The following CIZ1 variants were observed in gnomAD, a reference collection of about 807,000 sequenced individuals.
CIZ1 encodes cip1-interacting zinc finger protein.
A neutral mutation model predicts 118.6 loss-of-function variants in CIZ1; 58 were observed. The observed-to-expected ratio is 0.49, with a 90% CI of 0.40 to 0.61. The LOEUF (loss-of-function observed/expected upper bound fraction) is 0.61. CIZ1 is among the 20% of genes least tolerant of loss of function. CIZ1 has a pLI of 0.00. For synonymous variants in CIZ1, 448 were observed against 443.4 expected, an observed-to-expected ratio of 1.01 and a Z score of -0.13; for missense variants, 921 against 1,115.9, an observed-to-expected ratio of 0.83 and a Z score of 2.49.
At position 128,191,242 on chromosome 9, in the gene CIZ1, G is replaced by A. The variant is rs191005506; in HGVS notation, c.-6+190C>T. On this transcript the variant is annotated intron_variant, in intron 1 of 16. Coordinates refer to ENST00000372938, the MANE Select transcript of CIZ1 (RefSeq NM_001131016.2). The surrounding 1 kb of genome is among the most constrained non-coding windows in gnomAD (Gnocchi z 5.5). Reference sequence around the variant, plus strand: ...ATACCGCAACCCTCTCTGGGCCCCCGGGTGTCAATAACATCGGCACCCGTC... The same window carrying A: ...ATACCGCAACCCTCTCTGGGCCCCCAGGTGTCAATAACATCGGCACCCGTC... 3.9e-3 allele frequency: 975 copies of A among 251,456 alleles called. 13 individuals are homozygous for A. Among genetic ancestry groups the A allele is most frequent in the African/African-American group, 0.02 (906 of 44,488 alleles). 15.6% of individuals were successfully genotyped at this position (251,456 alleles called of 1,614,324 possible). A position where few individuals can be genotyped will look rare whatever the true frequency, so the allele number is the denominator to read the frequency against.
chr9:128,175,491 G>A (rs1279832824), intron 11 of CIZ1, among the ~76,000 whole-genome samples: 5 of 152,080 alleles, frequency 3.3e-5, no homozygotes, highest in Admixed American at 2.0e-4. Context: ...GCAGGCAAGC[G>A]GAGGCCAACC....
intron 4 of CIZ1, 104 bp downstream of exon 4, chr9:128,187,759 C>T: frequency 2.8e-6 from 1 of 358,358 alleles, no homozygotes; most frequent in Non-Finnish European, 5.1e-6. Context: ...ATTGCACTAG[C>T]ACTCTAAGAA....
At position 128,167,133 on chromosome 9, in the gene CIZ1, C is replaced by A; in HGVS notation, c.2327G>T (p.Trp776Leu). The A allele has an allele frequency of 6.2e-7, 1 of 1,602,800 alleles. No individual in the cohort carries two copies. The highest frequency in any genetic ancestry group is 2.2e-5 in the East Asian group (1 of 44,730). The change falls in exon 15 of 17, where the codon TGG (tryptophan) becomes TTG (leucine). Residue 776 changes from tryptophan to leucine, a missense_variant. Physicochemically the swap from Trp to Leu is moderately conservative, Grantham distance 61. Transcript: ENST00000372938. ...GGGGCTGTAGGTCTCCGAGCCCTTC[C>A]ACTCCTCTCTGGATATATCTCTGGA... The part of the protein sequence containing the change: ...VRSRDISREE[W>L]KGSETYSPNT...
Position 128,191,191 on chromosome 9 carries a change from A to C in CIZ1, c.-6+241T>G, listed in dbSNP as rs1588268626. 2.5e-6 allele frequency: 1 copy of C among 403,652 alleles called. No homozygotes were observed. The highest frequency in any genetic ancestry group is 4.4e-6 in the Non-Finnish European group (1 of 225,626). The allele number at this position is 403,652 out of a possible 1,614,324, so 25.0% of individuals were successfully genotyped here. On this transcript the variant is annotated intron_variant, in intron 1 of 16. Transcript: ENST00000372938. This position sits in a 1 kb window ranked among gnomAD's most constrained non-coding sequence, Gnocchi z 5.5. ...GCCTCAGCCTCTCTCTGCGCCCATC[A>C]CTTCCTCACTCACAGCCCCTTTTCA...
chr9:128,176,935 C>T (rs536679221), intron 10 of CIZ1, among the ~76,000 whole-genome samples: 41 of 152,264 alleles, frequency 2.7e-4, no homozygotes, highest in African/African-American at 9.6e-4. Flanking sequence ...TTGAGAGTCT[C>T]GCTCTGTTAC....
chr9:128,174,151 C>T (rs1830575065), intron 11 of CIZ1, among the ~76,000 whole-genome samples: 1 of 152,222 alleles, frequency 6.6e-6, no homozygotes, highest in African/African-American at 2.4e-5. Context: ...CAGCCTTCAG[C>T]CCCATTCCTG....
chr9:128,179,390 G>A lies in CIZ1; in HGVS notation c.817C>T (p.Pro273Ser). Residue 273 changes from proline (P) to serine (S), a missense_variant, in exon 8 of 17, where the codon CCT becomes TCT. Transcript: ENST00000372938. The stretch of plus-strand genomic sequence containing the variant: ...GCCTTCACCTGTAACTGCCCTGGAG[G>A]TTCCTTCTCTGTGGGCTCTTCTGAG... ...RSSEEPTEKE[P>S]PGQLQVKAQP... 5.0e-6 allele frequency: 8 copies of A among 1,604,998 alleles called. No homozygotes were observed. Among genetic ancestry groups the A allele is most frequent in the Non-Finnish European group, 6.8e-6 (8 of 1,176,644 alleles).
At position 128,166,950 on chromosome 9, in the gene CIZ1, G is replaced by T. The variant is rs954919848; in HGVS notation, c.2366-70C>A. The T allele has an allele frequency of 6.2e-7, 1 of 1,612,152 alleles. No homozygotes were observed. Among genetic ancestry groups the T allele is most frequent in the Admixed American group, 1.7e-5 (1 of 59,844 alleles). On this transcript the variant is annotated intron_variant, in intron 15 of 16. Transcript: ENST00000372938. The surrounding 1 kb of genome is among the most constrained non-coding windows in gnomAD (Gnocchi z 4.4). ...GCGAGGTGTCCCTCCCTCTCTAGGG[G>T]CCCATGTGCTCCCCAACCCTCTAGG...
chr9:128,167,232 G>T, intron 14 of CIZ1, 68 bp from the exon 15 acceptor site: 9 of 1,228,354 alleles, frequency 7.3e-6, no homozygotes, highest in Non-Finnish European at 1.0e-5. Flanking sequence ...CAGGTCGGGG[G>T]CCTAGAGACC....
chr9:128,174,723 G>A (rs551425737), intron 11 of CIZ1, among the ~76,000 whole-genome samples: 14 of 152,116 alleles, frequency 9.2e-5, no homozygotes, highest in Admixed American at 5.9e-4. Flanking sequence ...GCAGTGGCGC[G>A]ATCTCGGCTC....
chr9:128,182,961 A>G (rs1354373674), intron 5 of CIZ1, among the ~76,000 whole-genome samples: 1 of 152,040 alleles, frequency 6.6e-6, no homozygotes, highest in African/African-American at 2.4e-5. Context: ...CATTATTTGC[A>G]TTAATATCTC....
chr9:128,169,036 A>G lies in CIZ1; in HGVS notation c.2295+16T>C. The G allele has an allele frequency of 6.2e-7, 1 of 1,613,416 alleles. No individual in the cohort carries two copies. Among genetic ancestry groups the G allele is most frequent in the Non-Finnish European group, 8.5e-7 (1 of 1,179,750 alleles). On this transcript the variant is annotated intron_variant, in intron 14 of 16. Transcript: ENST00000372938. ...ATCCAGCACCAAGCCCGCCTCCCAC[A>G]CCCTCCCCCCAGCACCTGCTTGCAG...
At chr9:128,169,360 C>A in intron 13 of CIZ1, 46 bp downstream of exon 13, 1 of 1,548,966 alleles carries the variant, frequency 6.5e-7, no homozygotes, top group East Asian at 2.3e-5. Context: ...TTGGCCAAGG[C>A]TCTGTACCTC....
At chr9:128,185,831 G>A in intron 4 of CIZ1, 55 bp from the exon 5 acceptor site, 1 of 1,252,172 alleles carries the variant, frequency 8.0e-7, no homozygotes, top group Non-Finnish European at 1.2e-6. Flanking sequence ...GTGGCAGAAG[G>A]TAGGGTCAGG....
intron 14 of CIZ1, 104 bp from the exon 15 acceptor site, chr9:128,167,268 C>T (rs1041116323): frequency 2.4e-6 from 2 of 833,502 alleles, no homozygotes; most frequent in South Asian, 1.8e-5. Flanking sequence ...CACACAGAAT[C>T]CCCTTGATTT....
chr9:128,203,389 C>T lies in CIZ1; in HGVS notation c.-6+797G>A. On this transcript the variant is annotated intron_variant, in intron 1 of 17. Transcript: ENST00000372948. The surrounding 1 kb of genome is among the most constrained non-coding windows in gnomAD (Gnocchi z 5.3). ...CCCCGCGGCGCAGGCAGTCTGGGCG[C>T]GCGGCTGCAGCGGCGGAGCCGGAGT... 2.3e-6 allele frequency: 3 copies of T among 1,285,128 alleles called. No homozygotes were observed. Among genetic ancestry groups the T allele is most frequent in the Non-Finnish European group, 3.0e-6 (3 of 1,010,652 alleles). The allele number at this position is 1,285,128 out of a possible 1,614,324, so 79.6% of individuals were successfully genotyped here.
At chr9:128,172,931 G>A (rs1310283050) in intron 11 of CIZ1, among the ~76,000 whole-genome samples, 1 of 152,064 alleles carries the variant, frequency 6.6e-6, no homozygotes, top group African/African-American at 2.4e-5. Context: ...TAGGATTTAG[G>A]GACATTTACT....
chr9:128,201,458 T>C (rs1369705266), intron 1 of CIZ1, among the ~76,000 whole-genome samples: 4 of 152,042 alleles, frequency 2.6e-5, no homozygotes, highest in African/African-American at 9.7e-5. Context: ...CAAAAATAAA[T>C]AAAATAAATA....
chr9:128,190,623 G>T, intron 2 of CIZ1, 65 bp downstream of exon 2: 1 of 1,517,406 alleles, frequency 6.6e-7, no homozygotes, highest in Non-Finnish European at 8.8e-7. Flanking sequence ...GATGGGGATC[G>T]GGAGCTCCGA....
Sources: gnomAD v4.1 joint callset for allele counts (sites outside exome capture counted in the v4.1 genomes callset) on GRCh38, gnomAD v4.1.1 for gene constraint, Gnocchi (gnomAD v3.1) non-coding constraint, MANE v1.5 for transcripts, NCBI Gene and HGNC (gene_info 2026-07-23, HGNC 2026-07-21) for gene names.